The following MTA1 variants were observed in gnomAD, a reference collection of about 807,000 sequenced individuals.
MTA1 encodes the protein metastasis associated 1, also known as metastasis-associated protein MTA1.
MTA1 carries 15 observed loss-of-function variants against 97.0 expected under a neutral mutation model. The observed-to-expected ratio is 0.15, with a 90% confidence interval of 0.10 to 0.24. The LOEUF (loss-of-function observed/expected upper bound fraction) is 0.24, where lower values mean the gene tolerates loss of function less well. Among genes scored for constraint, MTA1 ranks in the 10% least tolerant of loss-of-function variants. The pLI, the probability that MTA1 is intolerant of heterozygous loss-of-function variation, is 1.00. For synonymous variants in MTA1, 435 were observed against 417.5 expected (o/e 1.04, Z -0.51); for missense variants, 709 against 1,015.1 (o/e 0.70, Z 4.10).
rs976959995 is a variant in MTA1, at chr14:105,445,307, G to A, written c.97-111G>A. ...CTCCTGGAGTCCCGAGGGGTGGTGT[G>A]GTTACACCTGCAGTCCCTGGACGGC... is the stretch of plus-strand genomic sequence containing the variant. On this transcript the variant is annotated intron_variant, in intron 2 of 20. Transcript: ENST00000331320. 23 of 907,386 alleles carry A rather than the reference G, an allele frequency of 2.5e-5. No individual in the cohort carries two copies. The Admixed American group carries it at 4.7e-4, about 19-fold the overall frequency. 56.2% of individuals were successfully genotyped at this position (907,386 alleles called of 1,614,324 possible). A position where few individuals can be genotyped will look rare whatever the true frequency, so the allele number is the denominator to read the frequency against.
Position 105,419,934 on chromosome 14 carries a change from C to T in MTA1, c.-102C>T. On this transcript the variant is annotated 5_prime_UTR_variant, in exon 1 of 21. Coordinates refer to ENST00000331320, the MANE Select transcript of MTA1 (RefSeq NM_004689.4). ...GGCAGCAGCGCGGCCCCTTTAAACG[C>T]CTGCGGCGCCCCCCGCCCCCGCCAT... The T allele has an allele frequency of 2.5e-6, 1 of 400,788 alleles. No homozygotes were observed. The highest frequency in any genetic ancestry group is 3.4e-6 in the Non-Finnish European group (1 of 296,798). 24.8% of individuals were successfully genotyped at this position (400,788 alleles called of 1,614,324 possible).
intron 1 of MTA1, among the ~76,000 whole-genome samples, chr14:105,435,118 A>C (rs8017613): frequency 0.99 from 151,070 of 152,272 alleles, 74,948 homozygotes; most frequent in Middle Eastern, 1. Flanking sequence ...TTGTAAATGT[A>C]TTACCAGGCT....
At position 105,463,452 on chromosome 14, in the gene MTA1, G is replaced by A. The variant is rs2083439572; in HGVS notation, c.1018-41G>A. 3 of 1,609,730 alleles carry A rather than the reference G, an allele frequency of 1.9e-6. No individual in the cohort carries two copies. In the African/African-American group the frequency reaches 4.0e-5, roughly 22 times the overall value. On this transcript the variant is annotated intron_variant, in intron 11 of 20. Transcript: ENST00000331320. This position sits in a 1 kb window ranked among gnomAD's most constrained non-coding sequence, Gnocchi z 5.9. The stretch of plus-strand genomic sequence containing the variant: ...CTGTCTGCACTGCAGCCCCAACCTG[G>A]GCCTAGCCTGCTGACCTCTGACCTT...
chr14:105,463,972 C>A lies in MTA1; in HGVS notation c.1077-60C>A. On this transcript the variant is annotated intron_variant, in intron 12 of 20. Coordinates refer to ENST00000331320, the MANE Select transcript of MTA1 (RefSeq NM_004689.4). The surrounding 1 kb of genome is among the most constrained non-coding windows in gnomAD (Gnocchi z 5.9). The stretch of plus-strand genomic sequence containing the variant: ...GGTCAGCCGCGGTGCCTGCTGGGCA[C>A]ATGGGCCCTCGAGGTTTGTGCTCCT... 1 of 1,551,348 alleles carries A rather than the reference C, an allele frequency of 6.4e-7. No homozygotes were observed. Among genetic ancestry groups the A allele is most frequent in the Non-Finnish European group, 8.9e-7 (1 of 1,125,190 alleles).
intron 1 of MTA1, among the ~76,000 whole-genome samples, chr14:105,431,010 A>G (rs782627589): frequency 6.6e-6 from 1 of 152,240 alleles, no homozygotes; most frequent in Non-Finnish European, 1.5e-5. Context: ...CGTTCAACAC[A>G]GAACACTTCA....
In MTA1 at chr14:105,438,734, A is replaced by G; in HGVS notation, c.91A>G (p.Asn31Asp). Residue 31 changes from asparagine to aspartate, a missense_variant, in exon 2 of 21, where the codon AAC (asparagine) becomes GAC (aspartate). Coordinates refer to ENST00000331320, the MANE Select transcript of MTA1 (RefSeq NM_004689.4). ...CCTGATCCGGAGAATCGAGGAGCTC[A>G]ACAAGGTACTGGGGGGCCCTGGTGT... ...PYLIRRIEEL[N>D]KTANGNVEAK... 6.2e-7 allele frequency: 1 copy of G among 1,610,718 alleles called. No individual in the cohort carries two copies. Among genetic ancestry groups the G allele is most frequent in the Non-Finnish European group, 8.5e-7 (1 of 1,178,416 alleles).
intron 6 of MTA1, among the ~76,000 whole-genome samples, chr14:105,452,000 C>T (rs587727396): frequency 3.3e-5 from 5 of 152,180 alleles, no homozygotes; most frequent in East Asian, 1.9e-4. Context: ...CCATGTTAGC[C>T]GGGCTGGTCT....
chr14:105,455,660 G>A lies in MTA1; in HGVS notation c.550+1350G>A, dbSNP rs587629886. 9.2e-5 allele frequency among the ~76,000 whole-genome samples: 14 copies of A among 152,346 alleles called. No homozygotes were observed. The South Asian group carries it at 2.9e-3, about 32-fold the overall frequency. ...CCTCCCGAGTAGCTGGTGCTGTTTC[G>A]TGTTCTTCTTGATTGTCCGTAAGGT... On this transcript the variant is annotated intron_variant, in intron 7 of 20. Transcript: ENST00000331320.
Position 105,466,561 on chromosome 14 carries a change from A to G in MTA1, c.1760A>G (p.Gln587Arg). 3 of 1,581,860 alleles carry G rather than the reference A, an allele frequency of 1.9e-6. No individual in the cohort carries two copies. The highest frequency in any genetic ancestry group is 2.6e-6 in the Non-Finnish European group (3 of 1,164,860). Residue 587 changes from glutamine to arginine, a missense_variant, in exon 17 of 21, where the codon CAG becomes CGG. By Grantham distance (43) the Gln-to-Arg change is conservative. Transcript: ENST00000331320. The part of the protein sequence containing the change: ...PTILGKRSYE[Q>R]HNGVDGNMKK... ...ATCCTGGGCAAGCGCAGCTACGAGC[A>G]GCACAACGGGGTGGACGGTGAGTGG...
At position 105,420,017 on chromosome 14, in the gene MTA1, C is replaced by A; in HGVS notation, c.-19C>A. The A allele has an allele frequency of 9.4e-7, 1 of 1,058,984 alleles. No homozygotes were observed. Among genetic ancestry groups the A allele is most frequent in the Non-Finnish European group, 1.1e-6 (1 of 874,290 alleles). The allele number at this position is 1,058,984 out of a possible 1,614,324, so 65.6% of individuals were successfully genotyped here. On this transcript the variant is annotated 5_prime_UTR_variant, in exon 1 of 21. Coordinates refer to ENST00000331320, the MANE Select transcript of MTA1 (RefSeq NM_004689.4). The surrounding 1 kb of genome is among the most constrained non-coding windows in gnomAD (Gnocchi z 5.3). ...GCGCCGCGCCCGCCCCGGGCCCCTC[C>A]GCCGCCGCCGGCCCGGACATGGCCG...
chr14:105,467,646 T>C (rs1244707905), intron 18 of MTA1: 4 of 370,256 alleles, frequency 1.1e-5, no homozygotes, highest in Admixed American at 9.7e-5. Flanking sequence ...GCGGTGTCTG[T>C]GTCTCGGCCC....
rs781804916 is a variant in MTA1, at chr14:105,422,236, G to A, written c.28+2173G>A. Among the ~76,000 whole-genome samples the A allele has an allele frequency of 2.1e-4, 32 of 152,250 alleles. No homozygotes were observed. Among genetic ancestry groups the A allele is most frequent in the Non-Finnish European group, 3.7e-4 (25 of 68,022 alleles). Reference sequence around the variant, plus strand: ...GGCATTTATCCCTGGCTTCTGGACCGGAACCCTGGGTTCCGGCAGGACCCC... The same window carrying A: ...GGCATTTATCCCTGGCTTCTGGACCAGAACCCTGGGTTCCGGCAGGACCCC... On this transcript the variant is annotated intron_variant, in intron 1 of 20. Transcript: ENST00000331320. This position sits in a 1 kb window ranked among gnomAD's most constrained non-coding sequence, Gnocchi z 4.3.
At position 105,466,556 on chromosome 14, in the gene MTA1, C is replaced by A; in HGVS notation, c.1755C>A (p.Tyr585Ter). The A allele has an allele frequency of 6.3e-7, 1 of 1,583,086 alleles. No individual in the cohort carries two copies. Among genetic ancestry groups the A allele is most frequent in the Non-Finnish European group, 8.6e-7 (1 of 1,165,586 alleles). The change falls in exon 17 of 21, where the codon TAC (tyrosine) becomes TAA (stop). Residue 585 changes from tyrosine to a stop codon, truncating the protein, a stop_gained. Coordinates refer to ENST00000331320, the MANE Select transcript of MTA1 (RefSeq NM_004689.4). LOFTEE classifies it high-confidence loss of function. ...CCACCATCCTGGGCAAGCGCAGCTA[C>A]GAGCAGCACAACGGGGTGGACGGTG... ...GSPTILGKRSYEQHNGVDGNM... is the reference protein window; with the variant it reads ...GSPTILGKRS
Position 105,470,289 on chromosome 14 carries a change from C to T in MTA1, c.*74C>T, listed in dbSNP as rs1427160910. On this transcript the variant is annotated 3_prime_UTR_variant, in exon 21 of 21. Coordinates refer to ENST00000331320, the MANE Select transcript of MTA1 (RefSeq NM_004689.4). ...GCCCCTTCCCAGCCAGCCCGCCGCC[C>T]GCCCCTCAGTTTGGTAGTGCCCCAC... is the stretch of plus-strand genomic sequence containing the variant. The T allele has an allele frequency of 1.2e-5, 15 of 1,302,588 alleles. No homozygotes were observed. Among genetic ancestry groups the T allele is most frequent in the African/African-American group, 1.6e-5 (1 of 63,290 alleles). 80.7% of individuals were successfully genotyped at this position (1,302,588 alleles called of 1,614,324 possible). A position where few individuals can be genotyped will look rare whatever the true frequency, so the allele number is the denominator to read the frequency against.
At chr14:105,465,455 C>T (rs2141690309) in intron 16 of MTA1, 2 of 310,006 alleles carry the variant, frequency 6.5e-6, no homozygotes, top group East Asian at 5.1e-5. Flanking sequence ...CCTCAAGGCA[C>T]ACCCGGGGGC....
At chr14:105,462,099 C>T (rs1191857291) in intron 10 of MTA1, among the ~76,000 whole-genome samples, 1 of 152,138 alleles carries the variant, frequency 6.6e-6, no homozygotes, top group Non-Finnish European at 1.5e-5. Flanking sequence ...GCTGCGGGGC[C>T]ATGCCCAGGC....
intron 18 of MTA1, 115 bp from the exon 19 acceptor site, chr14:105,469,352 T>G: frequency 8.4e-7 from 1 of 1,196,114 alleles, no homozygotes; most frequent in Non-Finnish European, 1.2e-6. Flanking sequence ...GGGCTGTGGC[T>G]TGGTTGGCAG....
Position 105,466,426 on chromosome 14 carries a change from A to AGGGGGGGGGGGGGGG in MTA1, c.1626_1627insGGGGGGGGGGGGGGG (p.Glu542_Thr543insGlyGlyGlyGlyGly). 15 of 1,484,146 alleles carry AGGGGGGGGGGGGGGG rather than the reference A, an allele frequency of 1.0e-5. No individual in the cohort carries two copies. The highest frequency in any genetic ancestry group is 2.8e-5 in the African/African-American group (2 of 72,242). 91.9% of individuals were successfully genotyped at this position (1,484,146 alleles called of 1,614,324 possible). A position where few individuals can be genotyped will look rare whatever the true frequency, so the allele number is the denominator to read the frequency against. ...GTTCTGCCTGTGTCATTCCCGGCAG[A>AGGGGGGGGGGGGGGG]GACCCACCCCCGCCCCCCCAAGCCT... On this transcript the variant is annotated inframe_insertion and splice_region_variant, in exon 17 of 21. Coordinates refer to ENST00000331320, the MANE Select transcript of MTA1 (RefSeq NM_004689.4).
At chr14:105,441,657 G>A (rs147361636) in intron 2 of MTA1, among the ~76,000 whole-genome samples, 1,737 of 152,304 alleles carry the variant, frequency 0.011, 19 homozygotes, top group Middle Eastern at 0.027. Flanking sequence ...AGCCGGGCGT[G>A]GTGGCGGGCG....
Sources: allele counts gnomAD v4.1 joint callset (sites outside exome capture counted in the v4.1 genomes callset), GRCh38; gene constraint gnomAD v4.1.1; non-coding constraint Gnocchi (gnomAD v3.1); transcripts MANE v1.5; gene names NCBI Gene and HGNC (gene_info 2026-07-23, HGNC 2026-07-21).